Variants in SPTA1 observed in about 807,000 individuals in gnomAD.
SPTA1 encodes the protein spectrin alpha chain, erythrocytic 1.
In SPTA1, 177 loss-of-function variants were observed where a neutral mutation model predicts 324.7. The observed-to-expected ratio is 0.55, with a 90% CI of 0.48 to 0.62. The LOEUF is 0.62. Among genes scored for constraint, SPTA1 ranks in the 20% least tolerant of loss-of-function variants. The pLI is 0.00. For missense variants in SPTA1, 3,162 were observed against 2,883.6 expected, an observed-to-expected ratio of 1.10 and a Z score of -2.21; for synonymous variants, 1,195 against 1,041.3, an observed-to-expected ratio of 1.15 and a Z score of -2.84.
intron 43 of SPTA1, among the ~76,000 whole-genome samples, chr1:158,620,940 C>T (rs1649869916): frequency 1.3e-5 from 2 of 150,156 alleles, no homozygotes; most frequent in Admixed American, 1.3e-4. Context: ...TATTATCCTA[C>T]AAGCTTCTGT....
At position 158,661,295 on chromosome 1, in the gene SPTA1, A is replaced by G. The variant is rs759343628; in HGVS notation, c.2579T>C (p.Val860Ala). 1 of 1,613,710 alleles carries G rather than the reference A, an allele frequency of 6.2e-7. No homozygotes were observed. The highest frequency in any genetic ancestry group is 1.3e-5 in the African/African-American group (1 of 74,870). The change falls in exon 18 of 52, where the codon GTA becomes GCA. Residue 860 changes from valine (V) to alanine (A), a missense_variant. Coordinates refer to ENST00000643759, the MANE Select transcript of SPTA1 (RefSeq NM_003126.4). ...QEITERGNKM[V>A]EEGHFAAEDV... ...ATCTCAATCATACATACCTTCCTCT[A>G]CCATTTTGTTTCCCCTTTCTGTTAT... is the stretch of plus-strand genomic sequence containing the variant.
chr1:158,619,582 T>C (rs1029078512), intron 44 of SPTA1, among the ~76,000 whole-genome samples: 1 of 152,168 alleles, frequency 6.6e-6, no homozygotes, highest in Admixed American at 6.5e-5. Flanking sequence ...ACAAGTAAGC[T>C]AGTAATAAAA....
intron 18 of SPTA1, among the ~76,000 whole-genome samples, chr1:158,660,980 C>G (rs1359388235): frequency 6.6e-6 from 1 of 152,120 alleles, no homozygotes; most frequent in Non-Finnish European, 1.5e-5. Flanking sequence ...ATTCATAGGG[C>G]TTTGTAAATT....
intron 42 of SPTA1, among the ~76,000 whole-genome samples, chr1:158,623,603 C>T (rs1226025451): frequency 1.3e-5 from 2 of 152,052 alleles, no homozygotes; most frequent in Admixed American, 6.6e-5. Flanking sequence ...GGCTTTTCCC[C>T]CTTTTGTGCA....
intron 19 of SPTA1, 120 bp downstream of exon 19, chr1:158,657,357 C>T: frequency 9.2e-7 from 1 of 1,083,678 alleles, no homozygotes. Flanking sequence ...GGCGACCACT[C>T]TGGAAACCCC....
Position 158,669,491 on chromosome 1 carries a change from G to T in SPTA1, c.1750C>A (p.Leu584Met). 3 of 1,614,132 alleles carry T rather than the reference G, an allele frequency of 1.9e-6. No individual in the cohort carries two copies. Among genetic ancestry groups the T allele is most frequent in the Non-Finnish European group, 2.5e-6 (3 of 1,180,024 alleles). The part of the protein sequence containing the change: ...RRRLLKESLL[L>M]QKLYEDSDDL... ...TCTGAGTCCTCATACAGTTTTTGCAGAAGCAATGACTCCTTCAGCAATCTA... is the reference window on the plus strand; with the variant it reads ...TCTGAGTCCTCATACAGTTTTTGCATAAGCAATGACTCCTTCAGCAATCTA... The change falls in exon 14 of 52, where the codon CTG (leucine) becomes ATG (methionine). Residue 584 changes from leucine to methionine, a missense_variant. Transcript: ENST00000643759.
intron 24 of SPTA1, 103 bp downstream of exon 24, chr1:158,651,264 T>C (rs889074447): frequency 1.4e-5 from 11 of 804,628 alleles, no homozygotes; most frequent in East Asian, 9.8e-5. Flanking sequence ...ACCTTCTGCA[T>C]GTTCTAGTGG....
chr1:158,651,880 G>GCTCTCT (rs60287443), intron 23 of SPTA1, among the ~76,000 whole-genome samples: 25 of 149,394 alleles, frequency 1.7e-4, no homozygotes, highest in African/African-American at 6.0e-4. Flanking sequence ...TCTAGGGAGT[G>GCTCTCT]CTCTCTCTCT....
chr1:158,642,704 A>G, intron 32 of SPTA1, 110 bp downstream of exon 32: 3 of 1,588,490 alleles, frequency 1.9e-6, no homozygotes, highest in Non-Finnish European at 2.6e-6. Context: ...CTCTGAGAGC[A>G]GGCATGGTAG....
intron 33 of SPTA1, among the ~76,000 whole-genome samples, chr1:158,641,105 T>C (rs1474798493): frequency 6.6e-6 from 1 of 151,858 alleles, no homozygotes; most frequent in African/African-American, 2.4e-5. Flanking sequence ...TGGCTAGACA[T>C]ATGTAGAAAG....
At chr1:158,648,452 T>C (rs1056612209) in intron 26 of SPTA1, 57 bp downstream of exon 26, 107 of 1,609,238 alleles carry the variant, frequency 6.6e-5, no homozygotes, top group Admixed American at 8.3e-5. Flanking sequence ...AGGGCATTGG[T>C]ATACGGCTAA....
chr1:158,678,557 G>A (rs372837373), intron 5 of SPTA1, 23 bp from the exon 6 acceptor site: 12 of 1,611,304 alleles, frequency 7.4e-6, no homozygotes. Flanking sequence ...AACAACACTG[G>A]AGTTATACAG....
chr1:158,616,650 G>A (rs542259764), intron 47 of SPTA1, among the ~76,000 whole-genome samples: 8 of 152,236 alleles, frequency 5.3e-5, no homozygotes, highest in African/African-American at 1.9e-4. Context: ...TTAATCCATT[G>A]ATGAGCAGTT....
At chr1:158,617,720 G>T in intron 46 of SPTA1, 132 bp from the exon 47 acceptor site, 1 of 920,142 alleles carries the variant, frequency 1.1e-6, no homozygotes, top group South Asian at 1.4e-5. Flanking sequence ...AAATTTCACA[G>T]AGCCAAATTT....
In SPTA1 at chr1:158,652,476, C is replaced by T; in HGVS notation, c.3366G>A (p.Glu1122=). 1 of 1,614,124 alleles carries T rather than the reference C, an allele frequency of 6.2e-7. No homozygotes were observed. The highest frequency in any genetic ancestry group is 1.1e-5 in the South Asian group (1 of 91,078). ...GGTTCCTCTTTCTCACCTTTTGGAACTCATCAAACTTTTTCTGCAGCTCCC... is the reference window on the plus strand; with the variant it reads ...GGTTCCTCTTTCTCACCTTTTGGAATTCATCAAACTTTTTCTGCAGCTCCC... The part of the protein sequence containing the change: ...DVWELQKKFD[E]FQKDLNTNEP... Residue 1122 remains glutamate (E), a synonymous_variant, in exon 23 of 52, where the codon GAG becomes GAA. Coordinates refer to ENST00000643759, the MANE Select transcript of SPTA1 (RefSeq NM_003126.4).
At chr1:158,618,225 T>C in intron 45 of SPTA1, 169 bp from the exon 46 acceptor site, 2 of 668,894 alleles carry the variant, frequency 3.0e-6, no homozygotes, top group Non-Finnish European at 5.3e-6. Context: ...CCTCTCCCAC[T>C]CTGAGAAGAT....
chr1:158,640,141 T>A, intron 33 of SPTA1, 134 bp from the exon 34 acceptor site: 1 of 1,073,180 alleles, frequency 9.3e-7, no homozygotes. Context: ...ATCATACATT[T>A]CAAACCAGTT....
chr1:158,665,317 C>A (rs1571490783), intron 16 of SPTA1, among the ~76,000 whole-genome samples: 1 of 152,218 alleles, frequency 6.6e-6, no homozygotes, highest in Non-Finnish European at 1.5e-5. Context: ...TTTAAAGCCC[C>A]AGAGAGCCAT....
chr1:158,640,637 G>C (rs1651485263), intron 33 of SPTA1, among the ~76,000 whole-genome samples: 2 of 152,210 alleles, frequency 1.3e-5, no homozygotes, highest in East Asian at 1.9e-4. Context: ...TCTTCAAGGA[G>C]AACTACAAAC....
Sources: gnomAD v4.1 joint callset for allele counts (sites outside exome capture counted in the v4.1 genomes callset) on GRCh38, gnomAD v4.1.1 for gene constraint, MANE v1.5 for transcripts, NCBI Gene and HGNC (gene_info 2026-07-23, HGNC 2026-07-21) for gene names.